ZMYND8: variants seen among roughly 807,000 people sequenced by gnomAD.
The protein encoded by ZMYND8 is zinc finger MYND-type containing 8.
In ZMYND8, 37 loss-of-function variants were observed where a neutral mutation model predicts 140.8. The ratio of observed to expected loss-of-function variants is 0.26; its 90% confidence interval spans 0.20 to 0.35. The LOEUF is 0.35. ZMYND8 is among the 10% of genes least tolerant of loss of function. The pLI, the probability that ZMYND8 is intolerant of heterozygous loss-of-function variation, is 1.00. For synonymous variants in ZMYND8, 592 were observed against 597.1 expected (o/e 0.99, Z 0.12); for missense variants, 1,068 against 1,570.0 (o/e 0.68, Z 5.40).
intron 17 of ZMYND8, among the ~76,000 whole-genome samples, chr20:47,229,132 C>T (rs560674796): frequency 2.0e-5 from 3 of 151,256 alleles, no homozygotes; most frequent in South Asian, 2.1e-4. Flanking sequence ...CAGGAACACA[C>T]CACCATCTCC....
chr20:47,239,717 T>G (rs2039707873), intron 14 of ZMYND8, among the ~76,000 whole-genome samples: 1 of 152,208 alleles, frequency 6.6e-6, no homozygotes, highest in South Asian at 2.1e-4. Context: ...AAGGCGGTAC[T>G]GATAGCCAGG....
chr20:47,321,069 A>T (rs908860742), intron 2 of ZMYND8, among the ~76,000 whole-genome samples: 7 of 152,232 alleles, frequency 4.6e-5, no homozygotes, highest in Admixed American at 3.3e-4. Flanking sequence ...AACCCAGTAA[A>T]CGCTGGACTC....
intron 10 of ZMYND8, among the ~76,000 whole-genome samples, chr20:47,280,484 G>A (rs569407366): frequency 6.6e-6 from 1 of 152,322 alleles, no homozygotes; most frequent in East Asian, 1.9e-4. Flanking sequence ...TTCATGCTCT[G>A]TAAGCCACCT....
chr20:47,239,250 G>A (rs2147191699), intron 14 of ZMYND8, 112 bp from the exon 15 acceptor site: 2 of 1,362,430 alleles, frequency 1.5e-6, no homozygotes, highest in African/African-American at 1.4e-5. Context: ...CAGGAATGCC[G>A]AACCAATTCG....
intron 12 of ZMYND8, among the ~76,000 whole-genome samples, chr20:47,257,626 C>T (rs771845009): frequency 1.1e-4 from 16 of 152,058 alleles, no homozygotes; most frequent in Non-Finnish European, 1.5e-4. Context: ...CATATACTGT[C>T]ATACCATATA....
At chr20:47,310,010 G>A in intron 3 of ZMYND8, 46 bp downstream of exon 3, 1 of 1,612,280 alleles carries the variant, frequency 6.2e-7, no homozygotes, top group Non-Finnish European at 8.5e-7. Flanking sequence ...CTACTAGCTG[G>A]CCTCTGTCCC....
At chr20:47,341,481 T>G (rs1602095285) in intron 2 of ZMYND8, among the ~76,000 whole-genome samples, 1 of 142,296 alleles carries the variant, frequency 7.0e-6, no homozygotes, top group Non-Finnish European at 1.5e-5. Context: ...TAGCTGAGAG[T>G]GCACCACTGC....
intron 3 of ZMYND8, among the ~76,000 whole-genome samples, chr20:47,306,762 T>G (rs2078516941): frequency 6.6e-6 from 1 of 152,026 alleles, no homozygotes; most frequent in Admixed American, 6.5e-5. Flanking sequence ...TAGCTTTCTT[T>G]CTGGAACAAT....
At chr20:47,245,129 G>GT (rs1315294521) in intron 14 of ZMYND8, among the ~76,000 whole-genome samples, 1 of 152,160 alleles carries the variant, frequency 6.6e-6, no homozygotes, top group African/African-American at 2.4e-5. Context: ...GAAGCACTCA[G>GT]TATTCTGGCA....
At chr20:47,332,629 G>A (rs1445216685) in intron 2 of ZMYND8, among the ~76,000 whole-genome samples, 1 of 152,128 alleles carries the variant, frequency 6.6e-6, no homozygotes, top group Admixed American at 6.5e-5. Flanking sequence ...AGGATTGCTT[G>A]AGCCCAGAAG....
At chr20:47,256,576 C>T (rs373178088) in intron 12 of ZMYND8, among the ~76,000 whole-genome samples, 44 of 152,258 alleles carry the variant, frequency 2.9e-4, no homozygotes, top group African/African-American at 9.4e-4. Flanking sequence ...GCCGAGATCG[C>T]GCCACTGCAC....
chr20:47,341,099 G>A (rs542340612), intron 2 of ZMYND8, among the ~76,000 whole-genome samples: 24 of 152,290 alleles, frequency 1.6e-4, no homozygotes, highest in African/African-American at 5.8e-4. Flanking sequence ...AGAAACCAGG[G>A]AATAAGGCTA....
intron 16 of ZMYND8, among the ~76,000 whole-genome samples, chr20:47,235,706 CAAAA>C (rs199680083): frequency 9.3e-6 from 1 of 107,498 alleles, no homozygotes. Flanking sequence ...GACTCCATCT[CAAAA>C]AAAAAAAAAA....
chr20:47,351,623 C>T, intron 1 of ZMYND8: 1 of 968,964 alleles, frequency 1.0e-6, no homozygotes, highest in Non-Finnish European at 1.2e-6. Context: ...AAATTAAAAA[C>T]CATGCTTCCC....
intron 12 of ZMYND8, among the ~76,000 whole-genome samples, chr20:47,251,935 G>A (rs185810579): frequency 1.0e-3 from 159 of 151,692 alleles, no homozygotes; most frequent in African/African-American, 3.8e-3. Context: ...CCCTCCCCGA[G>A]TTTGCATTTT....
At chr20:47,254,793 C>A (rs73304012) in intron 12 of ZMYND8, among the ~76,000 whole-genome samples, 1 of 152,074 alleles carries the variant, frequency 6.6e-6, no homozygotes, top group African/African-American at 2.4e-5. Flanking sequence ...GCCTCTACCC[C>A]CTAGATGCTA....
At chr20:47,254,797 G>C (rs886643213) in intron 12 of ZMYND8, among the ~76,000 whole-genome samples, 1 of 152,136 alleles carries the variant, frequency 6.6e-6, no homozygotes, top group Non-Finnish European at 1.5e-5. Context: ...CTACCCCCTA[G>C]ATGCTATTAG....
intron 12 of ZMYND8, among the ~76,000 whole-genome samples, chr20:47,255,792 T>G (rs1173249466): frequency 2.4e-5 from 3 of 122,654 alleles, no homozygotes; most frequent in African/African-American, 9.2e-5. Flanking sequence ...TGTATGTGTA[T>G]ATATATATAC....
intron 2 of ZMYND8, among the ~76,000 whole-genome samples, chr20:47,313,428 C>T (rs1032496077): frequency 3.3e-5 from 5 of 151,314 alleles, no homozygotes; most frequent in South Asian, 2.1e-4. Flanking sequence ...CGAGACCATC[C>T]TGGCTAACAT....
Sources: allele counts gnomAD v4.1 joint callset (sites outside exome capture counted in the v4.1 genomes callset), GRCh38; gene constraint gnomAD v4.1.1; transcripts MANE v1.5; gene names NCBI Gene and HGNC (gene_info 2026-07-23, HGNC 2026-07-21).